The following TANC2 variants were observed in gnomAD, a reference collection of about 807,000 sequenced individuals.
TANC2 encodes the protein protein TANC2.
TANC2 carries 26 observed loss-of-function variants against 210.5 expected under a neutral mutation model. The observed-to-expected ratio is 0.12, with a 90% CI of 0.09 to 0.17. The LOEUF (loss-of-function observed/expected upper bound fraction) is 0.17, where lower values mean the gene tolerates loss of function less well. Among genes scored for constraint, TANC2 ranks in the 10% least tolerant of loss-of-function variants. TANC2 has a pLI of 1.00. For synonymous variants in TANC2, 931 were observed against 967.1 expected (o/e 0.96, Z 0.69); for missense variants, 2,129 against 2,608.9 (o/e 0.82, Z 4.01).
intron 2 of TANC2, among the ~76,000 whole-genome samples, chr17:63,070,451 C>G (rs1302489249): frequency 6.6e-6 from 1 of 152,150 alleles, no homozygotes; most frequent in East Asian, 1.9e-4. Flanking sequence ...TCAATGGCCC[C>G]TAGGCCGGAC....
intron 9 of TANC2, among the ~76,000 whole-genome samples, chr17:63,270,400 A>G (rs2043663085): frequency 6.6e-6 from 1 of 152,174 alleles, no homozygotes; most frequent in African/African-American, 2.4e-5. Flanking sequence ...TTTATTTCAG[A>G]AAAAATCAGA....
intron 11 of TANC2, among the ~76,000 whole-genome samples, chr17:63,334,757 G>A (rs961947730): frequency 2.0e-5 from 3 of 152,238 alleles, no homozygotes; most frequent in Non-Finnish European, 4.4e-5. Flanking sequence ...AACATTACCA[G>A]TTGTGTTAGG....
chr17:63,291,757 C>G (rs753094806), intron 9 of TANC2, among the ~76,000 whole-genome samples: 4 of 152,158 alleles, frequency 2.6e-5, no homozygotes, highest in Non-Finnish European at 5.9e-5. Context: ...CAGGTAGATG[C>G]TCTTATTATC....
chr17:63,387,637 C>T (rs1199387664), intron 15 of TANC2, among the ~76,000 whole-genome samples: 4 of 152,214 alleles, frequency 2.6e-5, no homozygotes, highest in Non-Finnish European at 5.9e-5. Context: ...TAATATCTTC[C>T]TGCCCTCAGG....
intron 15 of TANC2, among the ~76,000 whole-genome samples, chr17:63,380,486 A>C (rs1247741554): frequency 6.6e-6 from 1 of 152,244 alleles, no homozygotes; most frequent in Non-Finnish European, 1.5e-5. Flanking sequence ...AGATACAAAA[A>C]CAAAAAAGAT....
intron 11 of TANC2, among the ~76,000 whole-genome samples, chr17:63,322,973 C>G (rs2045543388): frequency 6.6e-6 from 1 of 152,134 alleles, no homozygotes; most frequent in Admixed American, 6.5e-5. Flanking sequence ...ACATGGAATC[C>G]TGTTCAGCTT....
At chr17:62,968,558 T>C (rs940730798) in intron 1 of TANC2, 8 of 152,334 alleles carry the variant, frequency 5.3e-5, no homozygotes, top group African/African-American at 1.9e-4. Flanking sequence ...ATAAAGAGAA[T>C]TCTGTTGGGT....
At chr17:63,240,410 A>G (rs968449013) in intron 8 of TANC2, among the ~76,000 whole-genome samples, 4 of 152,158 alleles carry the variant, frequency 2.6e-5, no homozygotes, top group African/African-American at 9.7e-5. Flanking sequence ...TCTTCTTCCT[A>G]CTTACTCCCC....
At chr17:63,383,831 G>A (rs1045157260) in intron 15 of TANC2, among the ~76,000 whole-genome samples, 1 of 152,110 alleles carries the variant, frequency 6.6e-6, no homozygotes, top group Non-Finnish European at 1.5e-5. Context: ...CACCGGCAGC[G>A]ACTGATCAGT....
At chr17:63,249,806 C>G (rs2043007891) in intron 8 of TANC2, among the ~76,000 whole-genome samples, 1 of 152,162 alleles carries the variant, frequency 6.6e-6, no homozygotes, top group African/African-American at 2.4e-5. Flanking sequence ...CAGGAGCAAA[C>G]ATACAGTGTC....
At chr17:63,192,153 C>T (rs939149447) in intron 5 of TANC2, among the ~76,000 whole-genome samples, 1 of 152,080 alleles carries the variant, frequency 6.6e-6, no homozygotes, top group Non-Finnish European at 1.5e-5. Flanking sequence ...GGATTTCTTT[C>T]GTTATAGAGT....
chr17:63,160,907 C>A lies in TANC2; in HGVS notation c.433+9527C>A, dbSNP rs186810541. Among the ~76,000 whole-genome samples the A allele has an allele frequency of 2.7e-3, 416 of 152,278 alleles. 1 individual carries two copies. The highest frequency in any genetic ancestry group is 9.6e-3 in the African/African-American group (399 of 41,538). ...CACTTTAACCCCCCATGGTCATCCTCAAATATTTTTGGCTTTTATAGTCTG... is the reference window on the plus strand; with the variant it reads ...CACTTTAACCCCCCATGGTCATCCTAAAATATTTTTGGCTTTTATAGTCTG... On this transcript the variant is annotated intron_variant, in intron 5 of 27. Transcript: ENST00000689528.
At chr17:63,181,527 G>A (rs2040784226) in intron 5 of TANC2, among the ~76,000 whole-genome samples, 2 of 152,228 alleles carry the variant, frequency 1.3e-5, no homozygotes, top group African/African-American at 4.8e-5. Context: ...CAGGGAGAAA[G>A]GTAGTCCCAG....
chr17:63,358,744 G>A (rs944668023), intron 14 of TANC2, among the ~76,000 whole-genome samples: 5 of 152,100 alleles, frequency 3.3e-5, no homozygotes, highest in South Asian at 2.1e-4. Context: ...AGTAGTCATC[G>A]GCCTTTGTTA....
In TANC2 at chr17:63,046,393, C is replaced by T. The variant is rs773773167; in HGVS notation, c.68-27550C>T. ...TGTTGCCCAGGCTGGAGTGCAGTGG[C>T]GCCATCTCGGTCACTGCATCCTCCA... On this transcript the variant is annotated intron_variant, in intron 2 of 27. Transcript: ENST00000689528. Among the ~76,000 whole-genome samples, 250 of 124,690 alleles carry T rather than the reference C, an allele frequency of 2.0e-3. 2 individuals carry two copies. The highest frequency in any genetic ancestry group is 1.4e-3 in the Non-Finnish European group (87 of 63,814). 81.8% of individuals were successfully genotyped at this position (124,690 alleles called of 152,430 possible). A position where few individuals can be genotyped will look rare whatever the true frequency, so the allele number is the denominator to read the frequency against.
chr17:63,010,944 T>C (rs982440249), intron 2 of TANC2, among the ~76,000 whole-genome samples: 3 of 152,138 alleles, frequency 2.0e-5, no homozygotes, highest in South Asian at 2.1e-4. Context: ...TGGGTTTTTA[T>C]GGAGGCTCCA....
chr17:63,219,247 T>C (rs1470475215), intron 7 of TANC2, among the ~76,000 whole-genome samples: 4 of 152,178 alleles, frequency 2.6e-5, no homozygotes, highest in Non-Finnish European at 4.4e-5. Flanking sequence ...CCCACGTGTT[T>C]GTCTCCTGAA....
chr17:63,312,215 G>C (rs749665503), intron 9 of TANC2, among the ~76,000 whole-genome samples: 9 of 152,110 alleles, frequency 5.9e-5, no homozygotes, highest in Non-Finnish European at 1.2e-4. Flanking sequence ...TATAGGTATG[G>C]ATTTTAAAAG....
rs542134634 is a variant in TANC2 at position 63,377,571 on chromosome 17, C to G, written c.2583-2147C>G. ...TCATCCTGGACTTCATTGTCCATGTCACCATCAGCATTTTGGTCAAAGCCA... is the reference window on the plus strand; with the variant it reads ...TCATCCTGGACTTCATTGTCCATGTGACCATCAGCATTTTGGTCAAAGCCA... On this transcript the variant is annotated intron_variant, in intron 14 of 27. Transcript: ENST00000689528. Among the ~76,000 whole-genome samples the G allele has an allele frequency of 1.9e-3, 285 of 152,314 alleles. 1 individual carries two copies. The highest frequency in any genetic ancestry group is 6.6e-3 in the African/African-American group (274 of 41,574).
Sources: gnomAD v4.1 joint callset for allele counts (sites outside exome capture counted in the v4.1 genomes callset) on GRCh38, gnomAD v4.1.1 for gene constraint, MANE v1.5 for transcripts, NCBI Gene and HGNC (gene_info 2026-07-23, HGNC 2026-07-21) for gene names.